The following PCDH7 variants were observed in gnomAD, a reference collection of about 807,000 sequenced individuals.
PCDH7 encodes protocadherin-7.
In PCDH7, 17 loss-of-function variants were observed where a neutral mutation model predicts 58.9. The observed-to-expected ratio is 0.29, with a 90% CI of 0.20 to 0.43. The LOEUF is 0.43. PCDH7 is among the 20% of genes least tolerant of loss of function. The probability of loss-of-function intolerance (pLI) is 1.00; values close to 1 mark genes in which losing one functional copy is unlikely to be tolerated. For synonymous variants in PCDH7, 664 were observed against 616.4 expected, an observed-to-expected ratio of 1.08 and a Z score of -1.14; for missense variants, 1,274 against 1,441.0, an observed-to-expected ratio of 0.88 and a Z score of 1.88.
chr4:31,139,946 G>A (rs534013207), intron 3 of PCDH7, among the ~76,000 whole-genome samples: 9 of 152,292 alleles, frequency 5.9e-5, no homozygotes, highest in African/African-American at 2.2e-4. Context: ...AGATGTGGCA[G>A]CTTGCATGTA....
At chr4:30,941,571 A>T (rs1307296905) in intron 2 of PCDH7, among the ~76,000 whole-genome samples, 1 of 151,982 alleles carries the variant, frequency 6.6e-6, no homozygotes, top group African/African-American at 2.4e-5. Context: ...ACAAGTTGTA[A>T]AAACAAGAAA....
chr4:30,778,306 C>A (rs1722338687), intron 1 of PCDH7, among the ~76,000 whole-genome samples: 1 of 152,068 alleles, frequency 6.6e-6, no homozygotes, highest in Non-Finnish European at 1.5e-5. Context: ...AAAAGAGAAG[C>A]AAATAATCTT....
intron 3 of PCDH7, among the ~76,000 whole-genome samples, chr4:30,991,345 T>C (rs1218066907): frequency 6.6e-6 from 1 of 152,074 alleles, no homozygotes; most frequent in East Asian, 1.9e-4. Flanking sequence ...AATGTGAAAA[T>C]GACAAACAGT....
At chr4:30,990,930 C>A (rs1200774564) in intron 3 of PCDH7, among the ~76,000 whole-genome samples, 1 of 151,976 alleles carries the variant, frequency 6.6e-6, no homozygotes, top group Non-Finnish European at 1.5e-5. Context: ...AAATAATTAT[C>A]TATAATTCTT....
chr4:30,743,601 A>G (rs1391908371), intron 1 of PCDH7, among the ~76,000 whole-genome samples: 1 of 142,610 alleles, frequency 7.0e-6, no homozygotes, highest in Non-Finnish European at 1.6e-5. Context: ...GATTGACTAC[A>G]TTTTCTCCTA....
At chr4:30,813,420 T>C (rs1727255514) in intron 1 of PCDH7, among the ~76,000 whole-genome samples, 1 of 152,146 alleles carries the variant, frequency 6.6e-6, no homozygotes, top group Non-Finnish European at 1.5e-5. Flanking sequence ...AAGAAAATGT[T>C]GGTTTGGCAA....
chr4:30,836,721 T>A (rs780297445), intron 1 of PCDH7, among the ~76,000 whole-genome samples: 10 of 151,470 alleles, frequency 6.6e-5, no homozygotes, highest in Non-Finnish European at 1.5e-4. Flanking sequence ...GTTATCATAA[T>A]GAAAAAAAAA....
chr4:30,816,789 A>G (rs1213727593), intron 1 of PCDH7, among the ~76,000 whole-genome samples: 1 of 152,152 alleles, frequency 6.6e-6, no homozygotes, highest in Admixed American at 6.6e-5. Context: ...TAATAATAGT[A>G]ATAATAATAA....
intron 1 of PCDH7, among the ~76,000 whole-genome samples, chr4:30,886,800 A>G (rs1392903545): frequency 6.6e-6 from 1 of 151,136 alleles, no homozygotes; most frequent in Non-Finnish European, 1.5e-5. Flanking sequence ...GCCATAAAAA[A>G]TGATGAGTTC....
At chr4:31,079,582 T>G (rs1019618464) in intron 3 of PCDH7, among the ~76,000 whole-genome samples, 1 of 148,834 alleles carries the variant, frequency 6.7e-6, no homozygotes, top group African/African-American at 2.5e-5. Flanking sequence ...AATTTTCATA[T>G]ACTGTTTTTT....
intron 3 of PCDH7, among the ~76,000 whole-genome samples, chr4:30,979,123 G>T (rs1023059946): frequency 6.6e-6 from 1 of 151,776 alleles, no homozygotes; most frequent in East Asian, 1.9e-4. Context: ...TCAGGAGATC[G>T]AGACCATCCT....
chr4:31,089,628 C>A (rs1179373548), intron 3 of PCDH7, among the ~76,000 whole-genome samples: 1 of 151,956 alleles, frequency 6.6e-6, no homozygotes, highest in Non-Finnish European at 1.5e-5. Context: ...AATATTAAGG[C>A]TAAATTCAGA....
Position 30,723,888 on chromosome 4 carries a change from T to A in PCDH7, c.2466T>A (p.Asn822Lys), listed in dbSNP as rs769127032. 57 of 1,613,842 alleles carry A rather than the reference T, an allele frequency of 3.5e-5. No homozygotes were observed. Among genetic ancestry groups the A allele is most frequent in the Non-Finnish European group, 4.7e-5 (56 of 1,180,026 alleles). The change falls in exon 1 of 2, where the codon AAT becomes AAA. Residue 822 changes from asparagine to lysine, a missense_variant. Asn to Lys is a moderately conservative substitution (Grantham distance 94, BLOSUM62 0). Transcript: ENST00000361762. The surrounding 1 kb of genome is among the most constrained non-coding windows in gnomAD (Gnocchi z 4.6). ...TGCACAGGTTGGTGGTGCAAGTGAA[T>A]GACAGTGGGCAGCCTTCCCAGTCCA...
rs375323569 is a variant in PCDH7 at position 31,142,853 on chromosome 4, A to G, written c.*388A>G. 32 of 1,356,454 alleles carry G rather than the reference A, an allele frequency of 2.4e-5. No homozygotes were observed. In the African/African-American group the frequency reaches 4.2e-4, roughly 18 times the overall value. The allele number at this position is 1,356,454 out of a possible 1,614,324, so 84.0% of individuals were successfully genotyped here. A position where few individuals can be genotyped will look rare whatever the true frequency, so the allele number is the denominator to read the frequency against. On this transcript the variant is annotated 3_prime_UTR_variant, in exon 4 of 4. Coordinates refer to the PCDH7 transcript ENST00000509759. ...TAGAAGAGAAGTTTACCTGTAGGCT[A>G]TAAAGGAGCAACAGCAAAGTTCTTT...
intron 3 of PCDH7, among the ~76,000 whole-genome samples, chr4:30,986,854 G>C (rs892786916): frequency 1.3e-5 from 2 of 151,798 alleles, no homozygotes; most frequent in East Asian, 1.9e-4. Flanking sequence ...GGTGGTGGGC[G>C]CCTGTAGTCC....
At chr4:30,740,433 A>C (rs1716909240) in intron 1 of PCDH7, among the ~76,000 whole-genome samples, 1 of 152,216 alleles carries the variant, frequency 6.6e-6, no homozygotes, top group Admixed American at 6.5e-5. Flanking sequence ...TTTGGGAAAC[A>C]CTTCATAAAA....
chr4:30,909,066 C>T (rs1240505968), intron 1 of PCDH7, among the ~76,000 whole-genome samples: 1 of 152,090 alleles, frequency 6.6e-6, no homozygotes, highest in Non-Finnish European at 1.5e-5. Flanking sequence ...ATAAACAGAA[C>T]CAATGACGAA....
chr4:30,727,811 T>C (rs1316097332), intron 1 of PCDH7, among the ~76,000 whole-genome samples: 1 of 151,920 alleles, frequency 6.6e-6, no homozygotes, highest in Non-Finnish European at 1.5e-5. Context: ...AATTTTCTTT[T>C]AAAATAATGT....
intron 3 of PCDH7, among the ~76,000 whole-genome samples, chr4:31,020,493 T>A (rs1753941682): frequency 6.6e-6 from 1 of 152,210 alleles, no homozygotes. Flanking sequence ...CGAATCAAGT[T>A]CTAATTCACA....
Sources: allele counts gnomAD v4.1 joint callset (sites outside exome capture counted in the v4.1 genomes callset), GRCh38; gene constraint gnomAD v4.1.1; non-coding constraint Gnocchi (gnomAD v3.1); transcripts MANE v1.5; gene names NCBI Gene and HGNC (gene_info 2026-07-23, HGNC 2026-07-21).